Variants in GNG12 observed in about 807,000 individuals in gnomAD.
The protein encoded by GNG12 is guanine nucleotide-binding protein G(I)/G(S)/G(O) subunit gamma-12.
For missense variants in GNG12, 69 were observed against 83.8 expected, an observed-to-expected ratio of 0.82 and a Z score of 0.69; for synonymous variants, 28 against 29.7, an observed-to-expected ratio of 0.94 and a Z score of 0.19.
At position 67,772,243 on chromosome 1, in the gene GNG12, TTAAGAAC is replaced by T. The variant is rs1265913671; in HGVS notation, c.-27+5208_-27+5214del. Among the ~76,000 whole-genome samples, 33 of 152,300 alleles carry T rather than the reference TTAAGAAC, an allele frequency of 2.2e-4. No individual in the cohort carries two copies. In the East Asian group the frequency reaches 5.2e-3, roughly 24 times the overall value. ...TTGAAGTCTATTCATAGTCTCCAGA[TTAAGAAC>T]TACTCCTGTAGATCCTGGGGATTCA... On this transcript the variant is annotated intron_variant, in intron 2 of 3. Transcript: ENST00000370982.
At chr1:67,830,993 T>C (rs980843128) in intron 1 of GNG12, among the ~76,000 whole-genome samples, 4 of 152,194 alleles carry the variant, frequency 2.6e-5, no homozygotes, top group African/African-American at 9.6e-5. Flanking sequence ...GCCCTACAGA[T>C]AGAGACCATT....
At chr1:67,747,032 T>C (rs1300576866) in intron 2 of GNG12, among the ~76,000 whole-genome samples, 3 of 152,192 alleles carry the variant, frequency 2.0e-5, no homozygotes, top group Non-Finnish European at 4.4e-5. Context: ...TACTCCTATC[T>C]TTCCTGATAC....
chr1:67,815,384 C>T (rs1646948162), intron 1 of GNG12, among the ~76,000 whole-genome samples: 1 of 152,156 alleles, frequency 6.6e-6, no homozygotes, highest in African/African-American at 2.4e-5. Context: ...TGCTCCCAGG[C>T]TCCGTATGAT....
At chr1:67,758,893 A>AGG (rs553343029) in intron 2 of GNG12, among the ~76,000 whole-genome samples, 1 of 152,078 alleles carries the variant, frequency 6.6e-6, no homozygotes, top group African/African-American at 2.4e-5. Context: ...TGGGAAGGGA[A>AGG]GGGGGGGATG....
intron 2 of GNG12, among the ~76,000 whole-genome samples, chr1:67,765,937 C>T (rs148886438): frequency 1.3e-5 from 2 of 152,182 alleles, no homozygotes; most frequent in African/African-American, 2.4e-5. Context: ...TGTAACTAGA[C>T]GTAGTGGTGA....
intron 3 of GNG12, among the ~76,000 whole-genome samples, chr1:67,706,935 C>T (rs892202389): frequency 2.0e-5 from 3 of 152,210 alleles, no homozygotes; most frequent in African/African-American, 7.2e-5. Context: ...GCTGGGATTA[C>T]AGGCGTGAGC....
At chr1:67,740,994 TA>T (rs1022639192) in intron 2 of GNG12, among the ~76,000 whole-genome samples, 86 of 151,550 alleles carry the variant, frequency 5.7e-4, no homozygotes, top group Non-Finnish European at 9.7e-4. Context: ...CACTAGTTCT[TA>T]AAAAAAAACC....
At chr1:67,793,024 C>A (rs927941104) in intron 1 of GNG12, among the ~76,000 whole-genome samples, 9 of 152,166 alleles carry the variant, frequency 5.9e-5, no homozygotes, top group Admixed American at 5.9e-4. Flanking sequence ...GAATACCACC[C>A]CACAGAGACC....
chr1:67,764,948 C>T (rs1043590089), intron 2 of GNG12, among the ~76,000 whole-genome samples: 2 of 152,122 alleles, frequency 1.3e-5, no homozygotes, highest in African/African-American at 4.8e-5. Flanking sequence ...CCAAACAAAG[C>T]CTGTTTGGTA....
chr1:67,818,065 G>A (rs887633136), intron 1 of GNG12, among the ~76,000 whole-genome samples: 1 of 152,166 alleles, frequency 6.6e-6, no homozygotes, highest in Admixed American at 6.5e-5. Context: ...GGGATTACAG[G>A]TGTGAGCCAC....
chr1:67,789,701 A>T (rs765924286), intron 1 of GNG12, among the ~76,000 whole-genome samples: 4 of 152,240 alleles, frequency 2.6e-5, no homozygotes, highest in African/African-American at 4.8e-5. Context: ...GATGCAGCCA[A>T]GGGCACTGCC....
chr1:67,786,864 G>A (rs1224592704), intron 1 of GNG12, among the ~76,000 whole-genome samples: 1 of 152,142 alleles, frequency 6.6e-6, no homozygotes, highest in East Asian at 1.9e-4. Flanking sequence ...TTGAACCTGG[G>A]AGGTGGAGGT....
chr1:67,825,176 T>C (rs757843575), intron 1 of GNG12, among the ~76,000 whole-genome samples: 10 of 152,252 alleles, frequency 6.6e-5, no homozygotes, highest in Non-Finnish European at 1.3e-4. Context: ...CAGGTGAATT[T>C]GCTATTTAAA....
At chr1:67,783,406 G>A (rs980464510) in intron 1 of GNG12, among the ~76,000 whole-genome samples, 4 of 151,984 alleles carry the variant, frequency 2.6e-5, no homozygotes, top group African/African-American at 9.7e-5. Flanking sequence ...GTTTTTATTA[G>A]CATACAATAA....
At chr1:67,786,869 G>A (rs978084522) in intron 1 of GNG12, among the ~76,000 whole-genome samples, 4 of 151,872 alleles carry the variant, frequency 2.6e-5, no homozygotes, top group Non-Finnish European at 4.4e-5. Flanking sequence ...CCTGGGAGGT[G>A]GAGGTTGCAG....
chr1:67,818,413 GTTTTTTTTTTT>G (rs1163831257), intron 1 of GNG12, among the ~76,000 whole-genome samples: 6 of 83,902 alleles, frequency 7.2e-5, no homozygotes, highest in East Asian at 4.4e-4. Flanking sequence ...AAGACCAGGG[GTTTTTTTTTTT>G]TTTTTTTTTT....
At chr1:67,824,749 G>T (rs1437538053) in intron 1 of GNG12, among the ~76,000 whole-genome samples, 1 of 152,186 alleles carries the variant, frequency 6.6e-6, no homozygotes, top group Non-Finnish European at 1.5e-5. Context: ...TCAGGAGGAG[G>T]AGTCGAAGAA....
chr1:67,737,444 G>C (rs1041331056), intron 2 of GNG12, among the ~76,000 whole-genome samples: 5 of 152,184 alleles, frequency 3.3e-5, no homozygotes, highest in Middle Eastern at 3.4e-3. Flanking sequence ...AAGAGCTCTG[G>C]GCCCAGGGTC....
chr1:67,760,356 T>C (rs752652212), intron 2 of GNG12, among the ~76,000 whole-genome samples: 1 of 152,240 alleles, frequency 6.6e-6, no homozygotes, highest in Non-Finnish European at 1.5e-5. Context: ...CTCCCATCAT[T>C]TGGTAGGTTG....
Sources: gnomAD v4.1 joint callset for allele counts (sites outside exome capture counted in the v4.1 genomes callset) on GRCh38, gnomAD v4.1.1 for gene constraint, MANE v1.5 for transcripts, NCBI Gene and HGNC (gene_info 2026-07-23, HGNC 2026-07-21) for gene names.